Variants in SPIDR observed in about 807,000 individuals in gnomAD.
SPIDR encodes the protein DNA repair-scaffolding protein.
Under a neutral mutation model 104.6 loss-of-function variants are expected in SPIDR, and 93 were observed. The ratio of observed to expected loss-of-function variants is 0.89; its 90% CI spans 0.75 to 1.06. SPIDR has a LOEUF of 1.06. SPIDR is among the 50% of genes least tolerant of loss of function. The pLI, the probability that SPIDR is intolerant of heterozygous loss-of-function variation, is 0.00. For missense variants in SPIDR, 1,154 were observed against 1,111.2 expected (o/e 1.04, Z -0.55); for synonymous variants, 431 against 416.9 (o/e 1.03, Z -0.41).
At chr8:47,451,581 A>AACACACACACACAC (rs56269650) in intron 8 of SPIDR, among the ~76,000 whole-genome samples, 16 of 148,038 alleles carry the variant, frequency 1.1e-4, no homozygotes, top group African/African-American at 3.7e-4. Flanking sequence ...ACCCTGCCAA[A>AACACACACACACAC]ACACACACAC....
chr8:47,263,021 A>G (rs1007812235), intron 1 of SPIDR, among the ~76,000 whole-genome samples: 4 of 152,200 alleles, frequency 2.6e-5, no homozygotes, highest in Admixed American at 2.0e-4. Context: ...TTAGTGCTTT[A>G]TATGTATTAA....
intron 8 of SPIDR, among the ~76,000 whole-genome samples, chr8:47,450,844 A>G (rs2071584181): frequency 6.6e-6 from 1 of 152,250 alleles, no homozygotes; most frequent in East Asian, 1.9e-4. Flanking sequence ...TCTACAGTCC[A>G]GTTGAACACT....
intron 8 of SPIDR, among the ~76,000 whole-genome samples, chr8:47,488,029 G>C (rs1467744024): frequency 6.6e-6 from 1 of 151,824 alleles, no homozygotes; most frequent in East Asian, 1.9e-4. Context: ...AGAAGACAGA[G>C]ACACAAAAAA....
Position 47,397,142 on chromosome 8 carries a change from C to T in SPIDR, c.776+516C>T, listed in dbSNP as rs145627820. Among the ~76,000 whole-genome samples the T allele has an allele frequency of 2.0e-4, 31 of 152,102 alleles. No individual in the cohort carries two copies. In the East Asian group the frequency reaches 4.8e-3, roughly 24 times the overall value. On this transcript the variant is annotated intron_variant, in intron 6 of 19. Transcript: ENST00000297423. ...AGCCTGTAGGGACCTTCCCCAACCC[C>T]GTGTAATACAAGGTGCTCTTTGTTG...
At chr8:47,557,618 G>A (rs577472890) in intron 8 of SPIDR, among the ~76,000 whole-genome samples, 1 of 152,274 alleles carries the variant, frequency 6.6e-6, no homozygotes, top group Non-Finnish European at 1.5e-5. Context: ...GCAAAAACAG[G>A]TGTTGGCTGA....
intron 6 of SPIDR, among the ~76,000 whole-genome samples, chr8:47,403,378 T>C (rs952485816): frequency 6.6e-6 from 1 of 152,086 alleles, no homozygotes; most frequent in Non-Finnish European, 1.5e-5. Context: ...GAGAAAGAAA[T>C]AAAGGGTGTT....
rs182593085 is a variant in SPIDR at position 47,463,989 on chromosome 8, A to G, written c.1097+23447A>G. Among the ~76,000 whole-genome samples the G allele has an allele frequency of 2.6e-4, 39 of 152,286 alleles. No individual in the cohort carries two copies. In the South Asian group the frequency reaches 7.7e-3, roughly 30 times the overall value. ...CTTTCACCCTTCCATTTAAGATAGT[A>G]TTAGAAGTTCTGACCAAAGCACTTA... On this transcript the variant is annotated intron_variant, in intron 8 of 19. Coordinates refer to ENST00000297423, the MANE Select transcript of SPIDR (RefSeq NM_001080394.4).
At chr8:47,510,956 G>A (rs543247761) in intron 8 of SPIDR, 2 of 632,770 alleles carry the variant, frequency 3.2e-6, no homozygotes, top group East Asian at 2.7e-5. Context: ...CAAGGGGGCA[G>A]GAGGGATGAT....
chr8:47,373,129 A>G (rs1587855903), intron 5 of SPIDR, among the ~76,000 whole-genome samples: 1 of 152,338 alleles, frequency 6.6e-6, no homozygotes, highest in East Asian at 1.9e-4. Flanking sequence ...GATAGTATAA[A>G]ATTATTAAAA....
chr8:47,529,485 A>G (rs374850388), intron 8 of SPIDR, among the ~76,000 whole-genome samples: 4 of 152,088 alleles, frequency 2.6e-5, no homozygotes, highest in African/African-American at 7.2e-5. Context: ...TTAGAATCCT[A>G]TATCTAGCAA....
At chr8:47,733,704 C>T (rs1464376997) in intron 19 of SPIDR, among the ~76,000 whole-genome samples, 4 of 152,048 alleles carry the variant, frequency 2.6e-5, no homozygotes, top group African/African-American at 9.7e-5. Context: ...ACTGCCATCT[C>T]TTCAGTGACG....
At chr8:47,288,997 G>A (rs892072985) in intron 3 of SPIDR, among the ~76,000 whole-genome samples, 18 of 152,130 alleles carry the variant, frequency 1.2e-4, no homozygotes, top group African/African-American at 4.3e-4. Context: ...TATTCCTTGT[G>A]GGAAGGAGCT....
At chr8:47,276,199 G>A (rs1366268685) in intron 1 of SPIDR, among the ~76,000 whole-genome samples, 1 of 152,158 alleles carries the variant, frequency 6.6e-6, no homozygotes, top group South Asian at 2.1e-4. Flanking sequence ...TGTAATTTCT[G>A]TAAATATTTA....
intron 5 of SPIDR, among the ~76,000 whole-genome samples, chr8:47,349,843 G>A (rs2053079704): frequency 1.3e-5 from 2 of 152,226 alleles, no homozygotes; most frequent in South Asian, 2.1e-4. Flanking sequence ...GTATTAGGGC[G>A]GGAGTGTCCC....
At chr8:47,509,703 T>C (rs1179306274) in intron 8 of SPIDR, among the ~76,000 whole-genome samples, 1 of 152,252 alleles carries the variant, frequency 6.6e-6, no homozygotes, top group African/African-American at 2.4e-5. Flanking sequence ...AACTAGATTC[T>C]TACAGATGAG....
intron 7 of SPIDR, among the ~76,000 whole-genome samples, chr8:47,410,701 C>T (rs1554670621): frequency 6.6e-6 from 1 of 151,920 alleles, no homozygotes; most frequent in African/African-American, 2.4e-5. Context: ...GGTACATGTG[C>T]ACAACGTGCA....
intron 8 of SPIDR, among the ~76,000 whole-genome samples, chr8:47,581,838 C>T (rs1257504224): frequency 6.6e-6 from 1 of 152,208 alleles, no homozygotes; most frequent in African/African-American, 2.4e-5. Flanking sequence ...TATTAATCCA[C>T]TAATCCTCTT....
At chr8:47,483,513 G>C (rs551235942) in intron 8 of SPIDR, among the ~76,000 whole-genome samples, 1 of 152,190 alleles carries the variant, frequency 6.6e-6, no homozygotes, top group East Asian at 1.9e-4. Context: ...CCCAAAAGTA[G>C]TCAGTGTAGA....
At chr8:47,685,509 A>ATTTTTTTTTTTTTTTTTTTTT (rs79918303) in intron 11 of SPIDR, among the ~76,000 whole-genome samples, 1 of 106,866 alleles carries the variant, frequency 9.4e-6, no homozygotes, top group Non-Finnish European at 2.3e-5. Context: ...TTATTTATTT[A>ATTTTTTTTTTTTTTTTTTTTT]TTTATTTATT....
Sources: allele counts gnomAD v4.1 joint callset (sites outside exome capture counted in the v4.1 genomes callset), GRCh38; gene constraint gnomAD v4.1.1; transcripts MANE v1.5; gene names NCBI Gene and HGNC (gene_info 2026-07-23, HGNC 2026-07-21).